THTPA: variants seen among roughly 807,000 people sequenced by gnomAD.
The protein encoded by THTPA is thiamine-triphosphatase.
Under a neutral mutation model 16.5 loss-of-function variants are expected in THTPA, and 16 were observed. The observed-to-expected ratio is 0.97, with a 90% confidence interval of 0.66 to 1.47. The LOEUF is 1.47. THTPA is among the 40% of genes most tolerant of loss of function. The pLI is 0.00. For missense variants in THTPA, 281 were observed against 280.9 expected (o/e 1.00, Z 0.00); for synonymous variants, 110 against 115.5 (o/e 0.95, Z 0.30).
the THTPA span, among the ~76,000 whole-genome samples, chr14:23,537,775 G>T: frequency 6.6e-6 from 1 of 152,196 alleles, no homozygotes; most frequent in East Asian, 1.9e-4. Flanking sequence ...AGAATCCATG[G>T]TGGGGGAGAG....
chr14:23,527,829 A>G, the THTPA span: 1 of 1,516,062 alleles, frequency 6.6e-7, no homozygotes, highest in Admixed American at 2.0e-5. Context: ...TGGGCAGTGG[A>G]CGAAGTGTCA....
At chr14:23,532,394 T>A in the THTPA span, 1 of 761,488 alleles carries the variant, frequency 1.3e-6, no homozygotes, top group Non-Finnish European at 1.9e-6. Flanking sequence ...TTTGGTCTCT[T>A]TCTCCATGTC....
chr14:23,534,861 C>T, the THTPA span: 112 of 1,536,110 alleles, frequency 7.3e-5, 1 homozygote, highest in African/African-American at 1.2e-3. This position sits in a 1 kb window ranked among gnomAD's most constrained non-coding sequence, Gnocchi z 4.5. Context: ...CAAGGAAGGG[C>T]AGACTGGGCT....
At chr14:23,529,993 T>C in the THTPA span, 83 of 1,082,882 alleles carry the variant, frequency 7.7e-5, 1 homozygote, top group Middle Eastern at 7.8e-4. Context: ...CCCTTCCCCC[T>C]GATGAGCCCT....
At chr14:23,528,065 G>A in the THTPA span, among the ~76,000 whole-genome samples, 6 of 152,162 alleles carry the variant, frequency 3.9e-5, no homozygotes, top group South Asian at 2.1e-4. Context: ...GTGCAACCAC[G>A]CCCAGCTAAT....
chr14:23,521,870 T>G, the THTPA span: 9 of 1,496,890 alleles, frequency 6.0e-6, no homozygotes, highest in African/African-American at 1.4e-5. Flanking sequence ...GGCCAGGGGG[T>G]GGGGTGAGGG....
the THTPA span, chr14:23,534,010 C>T: frequency 2.6e-6 from 4 of 1,536,980 alleles, no homozygotes; most frequent in Non-Finnish European, 3.5e-6. The surrounding 1 kb of genome is among the most constrained non-coding windows in gnomAD (Gnocchi z 4.5). Flanking sequence ...GGACATGTGG[C>T]TGGACAGGCT....
chr14:23,554,689 A>G (rs1882214594), upstream of THTPA, among the ~76,000 whole-genome samples: 1 of 151,934 alleles, frequency 6.6e-6, no homozygotes, highest in Non-Finnish European at 1.5e-5. Context: ...CACCTGGCCA[A>G]AATGCCATGT....
At chr14:23,523,285 G>A in the THTPA span, 5 of 1,440,104 alleles carry the variant, frequency 3.5e-6, no homozygotes, top group Non-Finnish European at 4.5e-6. The surrounding 1 kb of genome is among the most constrained non-coding windows in gnomAD (Gnocchi z 4.1). Context: ...GGCGAGGCAA[G>A]GTTGGGGCAG....
At position 23,558,287 on chromosome 14, in the gene THTPA, C is replaced by G. The variant is rs188143498; in HGVS notation, c.548-408C>G. ...CTCTTCTTTCTATAGCTCTTGGTTTCTATGTGTACATCTCTGCATGTGCTT... is the reference window on the plus strand; with the variant it reads ...CTCTTCTTTCTATAGCTCTTGGTTTGTATGTGTACATCTCTGCATGTGCTT... On this transcript the variant is annotated intron_variant, in intron 1 of 1. Transcript: ENST00000288014. 8.1e-4 allele frequency among the ~76,000 whole-genome samples: 123 copies of G among 152,338 alleles called. No homozygotes were observed. In the South Asian group the frequency reaches 9.1e-3, roughly 11 times the overall value.
chr14:23,531,590 G>A, the THTPA span: 2 of 1,526,722 alleles, frequency 1.3e-6, no homozygotes, highest in African/African-American at 1.4e-5. Context: ...TCTGGGCCTG[G>A]GCATCGCGGT....
At chr14:23,528,347 G>T in the THTPA span, among the ~76,000 whole-genome samples, 1 of 152,080 alleles carries the variant, frequency 6.6e-6, no homozygotes, top group African/African-American at 2.4e-5. Context: ...CCGCTACCTT[G>T]CACTCCTTCT....
At chr14:23,533,065 A>T in the THTPA span, 1 of 1,531,376 alleles carries the variant, frequency 6.5e-7, no homozygotes, top group Middle Eastern at 1.7e-4. This position sits in a 1 kb window ranked among gnomAD's most constrained non-coding sequence, Gnocchi z 4.8. Context: ...GGTGGGCATC[A>T]GGGGATAGGC....
the THTPA span, chr14:23,534,073 G>C: frequency 3.9e-6 from 6 of 1,519,028 alleles, no homozygotes; most frequent in Non-Finnish European, 5.3e-6. This position sits in a 1 kb window ranked among gnomAD's most constrained non-coding sequence, Gnocchi z 4.5. Flanking sequence ...TAGGCGATAG[G>C]GCTGGGGTGG....
the THTPA span, chr14:23,521,806 G>T: frequency 7.6e-7 from 1 of 1,309,640 alleles, no homozygotes; most frequent in Non-Finnish European, 1.0e-6. Flanking sequence ...CTGGAAGTGG[G>T]GTGTGTGGTG....
At chr14:23,520,012 G>A in the THTPA span, among the ~76,000 whole-genome samples, 4 of 152,176 alleles carry the variant, frequency 2.6e-5, no homozygotes, top group South Asian at 6.2e-4. This position sits in a 1 kb window ranked among gnomAD's most constrained non-coding sequence, Gnocchi z 8.7. Flanking sequence ...AGAAAACATG[G>A]ACTTCTCTAC....
the THTPA span, chr14:23,533,110 C>A: frequency 6.7e-7 from 1 of 1,487,700 alleles, no homozygotes. This position sits in a 1 kb window ranked among gnomAD's most constrained non-coding sequence, Gnocchi z 4.8. Context: ...AGATTAGTGG[C>A]CCAAGAAAGA....
the THTPA span, chr14:23,532,738 A>T: frequency 3.3e-6 from 5 of 1,535,420 alleles, no homozygotes; most frequent in Non-Finnish European, 3.5e-6. Context: ...CCATGGCTCC[A>T]CCCCCCTCCC....
chr14:23,525,920 G>C, the THTPA span: 3 of 1,474,280 alleles, frequency 2.0e-6, no homozygotes, highest in Non-Finnish European at 2.7e-6. The surrounding 1 kb of genome is among the most constrained non-coding windows in gnomAD (Gnocchi z 5.9). Flanking sequence ...GACTGGTGGG[G>C]TGAAGAGAGG....
Sources: allele counts gnomAD v4.1 joint callset (sites outside exome capture counted in the v4.1 genomes callset), GRCh38; gene constraint gnomAD v4.1.1; non-coding constraint Gnocchi (gnomAD v3.1); transcripts MANE v1.5; gene names NCBI Gene and HGNC (gene_info 2026-07-23, HGNC 2026-07-21).